ZNF730: variants seen among roughly 807,000 people sequenced by gnomAD.
ZNF730 encodes zinc finger protein 730.
A neutral mutation model predicts 12.6 loss-of-function variants in ZNF730; 12 were observed. The observed-to-expected ratio is 0.95, with a 90% CI of 0.61 to 1.54. The LOEUF (loss-of-function observed/expected upper bound fraction) is 1.54. Ranked by LOEUF, ZNF730 falls within the 40% of genes most tolerant of loss-of-function variation. The pLI is 0.00. For missense variants in ZNF730, 643 were observed against 583.5 expected, an observed-to-expected ratio of 1.10 and a Z score of -1.05; for synonymous variants, 194 against 195.8, an observed-to-expected ratio of 0.99 and a Z score of 0.08.
chr19:23,116,848 GAAAAGGCTGCA>G (rs1178271510), upstream of ZNF730: 2 of 503,308 alleles, frequency 4.0e-6, no homozygotes, highest in African/African-American at 3.9e-5. Context: ...AGTCCTGCCC[GAAAAGGCTGCA>G]GCCTACGCTG....
At chr19:23,108,015 C>T (rs1403476085) in intron 1 of ZNF730, among the ~76,000 whole-genome samples, 1 of 152,084 alleles carries the variant, frequency 6.6e-6, no homozygotes, top group Non-Finnish European at 1.5e-5. Context: ...TCAGTGGGTA[C>T]TCAGTATATA....
At chr19:23,092,018 G>A (rs1376814247) in intron 1 of ZNF730, among the ~76,000 whole-genome samples, 2 of 152,158 alleles carry the variant, frequency 1.3e-5, no homozygotes, top group Non-Finnish European at 2.9e-5. Context: ...CCCGTGTTTT[G>A]TGGGAGTGAC....
chr19:23,118,869 A>G (rs1970564148), intron 1 of ZNF730, among the ~76,000 whole-genome samples: 1 of 152,190 alleles, frequency 6.6e-6, no homozygotes, highest in South Asian at 2.1e-4. Context: ...GATTTATGAA[A>G]TCATCGGTTG....
chr19:23,101,467 T>G (rs893744070), intron 1 of ZNF730, among the ~76,000 whole-genome samples: 4 of 152,244 alleles, frequency 2.6e-5, no homozygotes, highest in Non-Finnish European at 5.9e-5. Flanking sequence ...TGTTGACTCA[T>G]ACCTAGCACC....
intron 2 of ZNF730, 42 bp downstream of exon 2, chr19:23,134,248 G>A: frequency 6.9e-7 from 1 of 1,451,546 alleles, no homozygotes; most frequent in Non-Finnish European, 9.2e-7. Flanking sequence ...ATACCCTATA[G>A]ATTTCATTTA....
chr19:23,128,138 ATAAAGTTTTT>A, intron 1 of ZNF730: 2 of 911,754 alleles, frequency 2.2e-6, no homozygotes, highest in Middle Eastern at 2.6e-4. Flanking sequence ...ACCACTGGCA[ATAAAGTTTTT>A]GGTTCCCTGA....
intron 2 of ZNF730, 104 bp from the exon 3 acceptor site, chr19:23,135,844 G>A: frequency 9.0e-7 from 1 of 1,108,386 alleles, no homozygotes; most frequent in Middle Eastern, 2.4e-4. Context: ...ATTATTTTGG[G>A]GTTAATTTAC....
At chr19:23,085,197 A>T (rs1025427205) in intron 1 of ZNF730, among the ~76,000 whole-genome samples, 10 of 152,096 alleles carry the variant, frequency 6.6e-5, no homozygotes, top group Admixed American at 3.9e-4. Flanking sequence ...TTTGATTTGC[A>T]TTTCTCTAAT....
intron 1 of ZNF730, chr19:23,127,505 C>T: frequency 1.0e-6 from 1 of 966,092 alleles, no homozygotes; most frequent in Non-Finnish European, 1.7e-6. Context: ...AAAATCAGCT[C>T]TTGGTGGTGC....
chr19:23,093,638 C>T (rs1970195681), intron 1 of ZNF730, among the ~76,000 whole-genome samples: 2 of 152,110 alleles, frequency 1.3e-5, no homozygotes, highest in African/African-American at 2.4e-5. Context: ...GGGGATGTGG[C>T]CCAGCAGGCT....
At chr19:23,134,599 G>A (rs1294452327) in intron 2 of ZNF730, among the ~76,000 whole-genome samples, 1 of 136,564 alleles carries the variant, frequency 7.3e-6, no homozygotes, top group African/African-American at 2.7e-5. Context: ...TGGAGGGTGG[G>A]GGGGGGGGTC....
intron 1 of ZNF730, among the ~76,000 whole-genome samples, chr19:23,130,618 C>T (rs1970733764): frequency 6.6e-6 from 1 of 152,038 alleles, no homozygotes; most frequent in African/African-American, 2.4e-5. Context: ...TTTCTTTTAC[C>T]TTACTAAAAA....
intron 1 of ZNF730, among the ~76,000 whole-genome samples, chr19:23,098,150 A>G (rs1362476067): frequency 6.6e-6 from 1 of 151,920 alleles, no homozygotes; most frequent in East Asian, 1.9e-4. Context: ...TCTCAAGAAA[A>G]AAAAAAAAAG....
chr19:23,101,437 T>G lies in ZNF730; in HGVS notation c.-94+26050T>G, dbSNP rs115895718. On this transcript the variant is annotated intron_variant, in intron 1 of 2. Transcript: ENST00000593635. ...CCATTGATATTGTGACTCACATACT[T>G]AGACCCAACGTACAGAAAGTGTTGA... Among the ~76,000 whole-genome samples, 485 of 152,326 alleles carry G rather than the reference T, an allele frequency of 3.2e-3. 4 individuals are homozygous for G. Among genetic ancestry groups the G allele is most frequent in the African/African-American group, 8.9e-3 (372 of 41,580 alleles).
intron 3 of ZNF730, 34 bp downstream of exon 3, chr19:23,136,077 TA>T: frequency 6.9e-7 from 1 of 1,450,280 alleles, no homozygotes. Context: ...ACAAAACTGA[TA>T]AGAGATCTAT....
chr19:23,142,778 G>A (rs1970942242), intron 3 of ZNF730, among the ~76,000 whole-genome samples: 1 of 107,860 alleles, frequency 9.3e-6, no homozygotes, highest in South Asian at 2.9e-4. Context: ...AAGACTTACT[G>A]TTATTTTATT....
chr19:23,095,358 T>C, intron 1 of ZNF730: 1 of 398,628 alleles, frequency 2.5e-6, no homozygotes, highest in Non-Finnish European at 4.4e-6. Context: ...TATTGCTGGG[T>C]CCAACAACTG....
intron 1 of ZNF730, among the ~76,000 whole-genome samples, chr19:23,093,196 G>A (rs547996394): frequency 2.0e-4 from 30 of 152,066 alleles, no homozygotes; most frequent in Admixed American, 1.6e-3. Context: ...GGCTGTTCTC[G>A]AACTCCTGAT....
At chr19:23,131,044 G>A (rs1382811655) in intron 1 of ZNF730, among the ~76,000 whole-genome samples, 2 of 152,066 alleles carry the variant, frequency 1.3e-5, no homozygotes, top group Non-Finnish European at 2.9e-5. Context: ...ATGAATTTTA[G>A]GGTCTTTTTA....
Sources: gnomAD v4.1 joint callset for allele counts (sites outside exome capture counted in the v4.1 genomes callset) on GRCh38, gnomAD v4.1.1 for gene constraint, MANE v1.5 for transcripts, NCBI Gene and HGNC (gene_info 2026-07-23, HGNC 2026-07-21) for gene names.